The following NCOA3 variants were observed in gnomAD, a reference collection of about 807,000 sequenced individuals.
NCOA3 encodes the protein nuclear receptor coactivator 3, also known as CBP-interacting protein.
A neutral mutation model predicts 158.8 loss-of-function variants in NCOA3; 51 were observed. The ratio of observed to expected loss-of-function variants is 0.32; its 90% CI spans 0.26 to 0.41. NCOA3 has a LOEUF of 0.41. Ranked by LOEUF, NCOA3 falls within the 10% of genes least tolerant of loss-of-function variation. NCOA3 has a pLI of 1.00. For missense variants in NCOA3, 1,510 were observed against 1,746.6 expected, an observed-to-expected ratio of 0.86 and a Z score of 2.41; for synonymous variants, 537 against 592.4, an observed-to-expected ratio of 0.91 and a Z score of 1.36.
At chr20:47,510,347 C>T (rs1291702326) in intron 1 of NCOA3, among the ~76,000 whole-genome samples, 2 of 149,318 alleles carry the variant, frequency 1.3e-5, no homozygotes, top group African/African-American at 2.5e-5. Flanking sequence ...GCAGGAGAAT[C>T]GTTTGAACCC....
intron 19 of NCOA3, among the ~76,000 whole-genome samples, chr20:47,650,680 A>C (rs1301762582): frequency 6.6e-6 from 1 of 151,862 alleles, no homozygotes; most frequent in African/African-American, 2.4e-5. Flanking sequence ...CCTGGCTAAC[A>C]TGGTGAAGCA....
At chr20:47,572,685 C>T (rs566133335) in intron 1 of NCOA3, among the ~76,000 whole-genome samples, 51 of 152,078 alleles carry the variant, frequency 3.4e-4, no homozygotes, top group South Asian at 2.1e-3. Context: ...TGTAGGTGTG[C>T]GCCACCAGAC....
intron 1 of NCOA3, among the ~76,000 whole-genome samples, chr20:47,574,884 A>G (rs2146207800): frequency 6.6e-6 from 1 of 152,340 alleles, no homozygotes; most frequent in Admixed American, 6.5e-5. Context: ...GTTCTTGTAC[A>G]TTGTAGCAGT....
chr20:47,502,772 A>G (rs2146033779), intron 1 of NCOA3, among the ~76,000 whole-genome samples: 1 of 150,538 alleles, frequency 6.6e-6, no homozygotes. Flanking sequence ...TGGTTTAAAT[A>G]AACTGCTTGT....
chr20:47,629,354 G>A lies in NCOA3; in HGVS notation c.823+1331G>A, dbSNP rs1482776739. Among the ~76,000 whole-genome samples the A allele has an allele frequency of 9.8e-4, 148 of 150,682 alleles. 1 individual carries two copies. Among genetic ancestry groups the A allele is most frequent in the Non-Finnish European group, 7.1e-4 (48 of 67,758 alleles). Reference sequence around the variant, plus strand: ...TACTTTTTTTTTTTTTTGAGACGGAGTTTTGCTCTGTCGTGCCCAGGCTGG... The same window carrying A: ...TACTTTTTTTTTTTTTTGAGACGGAATTTTGCTCTGTCGTGCCCAGGCTGG... On this transcript the variant is annotated intron_variant, in intron 8 of 22. Coordinates refer to ENST00000371998, the MANE Select transcript of NCOA3 (RefSeq NM_181659.3).
In NCOA3 at chr20:47,637,798, G is replaced by GT. The variant is rs1243155237; in HGVS notation, c.2512+15_2512+16insT. The GT allele has an allele frequency of 3.8e-6, 6 of 1,561,592 alleles. No individual in the cohort carries two copies. Among genetic ancestry groups the GT allele is most frequent in the South Asian group, 1.2e-5 (1 of 82,274 alleles). On this transcript the variant is annotated intron_variant, in intron 13 of 22. Coordinates refer to ENST00000371998, the MANE Select transcript of NCOA3 (RefSeq NM_181659.3). ...TAATTCTCTGGGTAAGAATGAACTAGGTTTTTTTTTTTTTTGCTGCCTTTG... is the reference window on the plus strand; with the variant it reads ...TAATTCTCTGGGTAAGAATGAACTAGTGTTTTTTTTTTTTTTGCTGCCTTTG...
chr20:47,646,058 G>C (rs191079546), intron 17 of NCOA3, among the ~76,000 whole-genome samples: 1 of 152,116 alleles, frequency 6.6e-6, no homozygotes, highest in Admixed American at 6.5e-5. Flanking sequence ...GTGAGGGGTT[G>C]GTTTCAGGAC....
intron 2 of NCOA3, among the ~76,000 whole-genome samples, chr20:47,616,100 G>A (rs2086127703): frequency 6.6e-6 from 1 of 151,148 alleles, no homozygotes; most frequent in African/African-American, 2.4e-5. Flanking sequence ...GGAGGTTGCA[G>A]TGAGCCGAGA....
At chr20:47,532,645 T>A (rs1262143771) in intron 1 of NCOA3, among the ~76,000 whole-genome samples, 2 of 151,832 alleles carry the variant, frequency 1.3e-5, no homozygotes, top group African/African-American at 2.4e-5. Context: ...TTAAAAAAAT[T>A]TTTTTTTCTT....
intron 1 of NCOA3, among the ~76,000 whole-genome samples, chr20:47,528,022 C>T (rs1023553092): frequency 1.8e-4 from 28 of 152,096 alleles, no homozygotes; most frequent in Non-Finnish European, 3.7e-4. Context: ...TAAATGTTCT[C>T]GATATCCATC....
chr20:47,652,507 C>T lies in NCOA3; in HGVS notation c.4048C>T (p.His1350Tyr), dbSNP rs1234393924. The T allele has an allele frequency of 6.2e-7, 1 of 1,614,116 alleles. No homozygotes were observed. Among genetic ancestry groups the T allele is most frequent in the South Asian group, 1.1e-5 (1 of 91,082 alleles). ...MGPSQNPMMQHPQAASIYQSS... is the reference protein window; with the variant it reads ...MGPSQNPMMQYPQAASIYQSS... Reference sequence around the variant, plus strand: ...TCCCTCCCAGAATCCCATGATGCAACACCCGCAGGCTGCATCCATCTATCA... The same window carrying T: ...TCCCTCCCAGAATCCCATGATGCAATACCCGCAGGCTGCATCCATCTATCA... The change falls in exon 21 of 23, where the codon CAC becomes TAC. Residue 1350 changes from histidine to tyrosine, a missense_variant. Physicochemically the swap from His to Tyr is moderately conservative, Grantham distance 83. Transcript: ENST00000371998.
chr20:47,588,269 C>T (rs1319108899), intron 2 of NCOA3, among the ~76,000 whole-genome samples: 5 of 150,332 alleles, frequency 3.3e-5, no homozygotes, highest in African/African-American at 4.9e-5. Context: ...TGAGTAGCTG[C>T]AACTACAGGT....
chr20:47,581,116 A>C (rs1271773664), intron 1 of NCOA3, among the ~76,000 whole-genome samples: 1 of 152,144 alleles, frequency 6.6e-6, no homozygotes, highest in African/African-American at 2.4e-5. Flanking sequence ...AAAGAAAAAG[A>C]AAAAAGCTAC....
chr20:47,653,390 T>C lies in NCOA3; in HGVS notation c.4264-16T>C, dbSNP rs35688660. On this transcript the variant is annotated splice_polypyrimidine_tract_variant and intron_variant, in intron 22 of 22. Transcript: ENST00000371998. Reference sequence around the variant, plus strand: ...CTCATTTTTTTTTTTTTTTTTTTTTTCCTGGTTGCTGACAGAAATACTGCT... The same window carrying C: ...CTCATTTTTTTTTTTTTTTTTTTTTCCCTGGTTGCTGACAGAAATACTGCT... The C allele has an allele frequency of 4.7e-5, 74 of 1,578,344 alleles. No homozygotes were observed. Among genetic ancestry groups the C allele is most frequent in the Admixed American group, 4.2e-4 (23 of 55,382 alleles).
intron 1 of NCOA3, among the ~76,000 whole-genome samples, chr20:47,564,034 C>T (rs932799142): frequency 1.3e-5 from 2 of 151,960 alleles, no homozygotes; most frequent in African/African-American, 4.8e-5. Context: ...GTGGCATGCG[C>T]ATGTGGTCCT....
At chr20:47,553,474 T>G (rs983336692) in intron 1 of NCOA3, among the ~76,000 whole-genome samples, 3 of 151,936 alleles carry the variant, frequency 2.0e-5, no homozygotes, top group Non-Finnish European at 1.5e-5. Context: ...TGTATACATG[T>G]GCCATGCTGG....
chr20:47,514,254 G>A (rs1221189957), intron 1 of NCOA3, among the ~76,000 whole-genome samples: 2 of 149,446 alleles, frequency 1.3e-5, no homozygotes, highest in Non-Finnish European at 3.0e-5. Flanking sequence ...TAGAAATAAA[G>A]TAGAGGCAGA....
chr20:47,527,396 CTGT>C lies in NCOA3; in HGVS notation c.-99+25384_-99+25386del, dbSNP rs367932581. ...TTTTTTCTTTACGTATATTTTGTTG[CTGT>C]TGTTGTGTCATACTTCTTTTGCTTA... On this transcript the variant is annotated intron_variant, in intron 1 of 22. Transcript: ENST00000371998. Among the ~76,000 whole-genome samples the C allele has an allele frequency of 4.6e-5, 7 of 151,968 alleles. No individual in the cohort carries two copies. In the East Asian group the frequency reaches 7.7e-4, roughly 17 times the overall value.
intron 1 of NCOA3, among the ~76,000 whole-genome samples, chr20:47,542,329 C>T (rs956992771): frequency 1.3e-5 from 2 of 151,840 alleles, no homozygotes; most frequent in African/African-American, 2.4e-5. Flanking sequence ...CACAAGTAAC[C>T]GTGCCCGGCT....
Sources: gnomAD v4.1 joint callset for allele counts (sites outside exome capture counted in the v4.1 genomes callset) on GRCh38, gnomAD v4.1.1 for gene constraint, MANE v1.5 for transcripts, NCBI Gene and HGNC (gene_info 2026-07-23, HGNC 2026-07-21) for gene names.